Variants in TENM2 observed in about 807,000 individuals in gnomAD.
TENM2 encodes teneurin-2.
In TENM2, 52 loss-of-function variants were observed where a neutral mutation model predicts 245.2. The ratio of observed to expected loss-of-function variants is 0.21; its 90% CI spans 0.17 to 0.27. The LOEUF (loss-of-function observed/expected upper bound fraction) is 0.27, where lower values mean the gene tolerates loss of function less well. TENM2 is among the 10% of genes least tolerant of loss of function. The pLI is 1.00. For missense variants in TENM2, 3,046 were observed against 3,666.8 expected (o/e 0.83, Z 4.37); for synonymous variants, 1,363 against 1,438.9 (o/e 0.95, Z 1.19).
intron 1 of TENM2, among the ~76,000 whole-genome samples, chr5:167,326,502 G>T (rs997411509): frequency 5.9e-5 from 9 of 151,482 alleles, no homozygotes; most frequent in African/African-American, 2.2e-4. Flanking sequence ...TTGAAACCCC[G>T]TCTCTACTAA....
At chr5:167,516,890 A>G (rs1770417078) in intron 2 of TENM2, among the ~76,000 whole-genome samples, 1 of 152,242 alleles carries the variant, frequency 6.6e-6, no homozygotes. Context: ...ACACTGTGGT[A>G]TTTAGCATTT....
the TENM2 span, among the ~76,000 whole-genome samples, chr5:167,100,229 C>T: frequency 2.0e-5 from 3 of 152,180 alleles, no homozygotes; most frequent in South Asian, 6.2e-4. Context: ...TGAATGATCA[C>T]ATTTTTCCTC....
At chr5:167,398,981 C>A (rs1390572799) in intron 2 of TENM2, among the ~76,000 whole-genome samples, 1 of 152,114 alleles carries the variant, frequency 6.6e-6, no homozygotes, top group East Asian at 1.9e-4. Flanking sequence ...CCTTCATAAC[C>A]CTTGGCTGTC....
chr5:167,994,672 C>T (rs544240706), intron 5 of TENM2, among the ~76,000 whole-genome samples: 1 of 152,346 alleles, frequency 6.6e-6, no homozygotes, highest in African/African-American at 2.4e-5. Flanking sequence ...AGAAAACTGA[C>T]TCTCCAGGGA....
the TENM2 span, among the ~76,000 whole-genome samples, chr5:167,210,505 G>A: frequency 5.7e-5 from 8 of 141,050 alleles, no homozygotes; most frequent in Non-Finnish European, 7.4e-5. Flanking sequence ...TGCCCAGGCC[G>A]GACTGCGGAC....
chr5:167,021,934 A>G, the TENM2 span, among the ~76,000 whole-genome samples: 1 of 152,226 alleles, frequency 6.6e-6, no homozygotes, highest in Non-Finnish European at 1.5e-5. Context: ...GCAATTTGAT[A>G]TAAAAGGGCC....
At chr5:167,399,408 G>A (rs1762246908) in intron 2 of TENM2, among the ~76,000 whole-genome samples, 5 of 152,140 alleles carry the variant, frequency 3.3e-5, no homozygotes, top group Admixed American at 2.6e-4. Context: ...ACAGCAGAAC[G>A]CTGCAGCATC....
intron 2 of TENM2, among the ~76,000 whole-genome samples, chr5:167,442,291 T>C (rs1764920075): frequency 6.6e-6 from 1 of 152,224 alleles, no homozygotes; most frequent in African/African-American, 2.4e-5. Context: ...ATGAATATTT[T>C]ATTCAACCAG....
chr5:168,236,931 G>A (rs1765469405), intron 25 of TENM2, among the ~76,000 whole-genome samples: 1 of 79,082 alleles, frequency 1.3e-5, no homozygotes. Context: ...GACCACAGAT[G>A]TCCTAATCAT....
At chr5:166,984,926 A>T in the TENM2 span, among the ~76,000 whole-genome samples, 3 of 152,126 alleles carry the variant, frequency 2.0e-5, no homozygotes, top group African/African-American at 7.2e-5. Flanking sequence ...TTTAGTCTTT[A>T]TTTTTTAAAA....
the TENM2 span, among the ~76,000 whole-genome samples, chr5:167,015,977 A>G: frequency 6.6e-6 from 1 of 152,020 alleles, no homozygotes; most frequent in Non-Finnish European, 1.5e-5. Flanking sequence ...AGAGGTGACC[A>G]GGCACGGTGG....
At chr5:168,080,223 T>G (rs1429116176) in intron 7 of TENM2, among the ~76,000 whole-genome samples, 1 of 152,172 alleles carries the variant, frequency 6.6e-6, no homozygotes, top group Admixed American at 6.5e-5. Context: ...TGCGTAGAGG[T>G]GTTTATAGTA....
At chr5:167,379,745 A>T (rs1281194791) in intron 2 of TENM2, among the ~76,000 whole-genome samples, 1 of 152,114 alleles carries the variant, frequency 6.6e-6, no homozygotes, top group Non-Finnish European at 1.5e-5. Flanking sequence ...CTGTTAAGGA[A>T]GTGAAAAGTC....
chr5:167,018,602 C>T, the TENM2 span, among the ~76,000 whole-genome samples: 7 of 152,140 alleles, frequency 4.6e-5, no homozygotes, highest in South Asian at 2.1e-4. Context: ...TATCCACATG[C>T]GAGAAAATCA....
intron 2 of TENM2, among the ~76,000 whole-genome samples, chr5:167,454,538 C>T (rs1054598509): frequency 1.3e-5 from 2 of 151,858 alleles, no homozygotes; most frequent in Admixed American, 1.3e-4. Flanking sequence ...TGCACACCCA[C>T]ACATATTTAT....
chr5:168,004,517 G>GCGCGCGCGCGCA (rs898616203), intron 5 of TENM2, among the ~76,000 whole-genome samples: 4 of 132,152 alleles, frequency 3.0e-5, no homozygotes, highest in African/African-American at 1.2e-4. Flanking sequence ...GCGCGCGCGC[G>GCGCGCGCGCGCA]CACACACACA....
chr5:167,873,528 T>C (rs1158632096), intron 2 of TENM2, among the ~76,000 whole-genome samples: 9 of 152,214 alleles, frequency 5.9e-5, no homozygotes, highest in Non-Finnish European at 1.5e-5. Flanking sequence ...AATGGGAATG[T>C]GTTATTTCAT....
At chr5:167,281,273 A>ATT (rs113120728), upstream of TENM2, among the ~76,000 whole-genome samples, 82 of 131,876 alleles carry the variant, frequency 6.2e-4, no homozygotes, top group South Asian at 7.8e-3. Context: ...ACGCCTGGCT[A>ATT]TTTTTTTTTT....
At chr5:167,694,548 G>A (rs1757637882) in intron 2 of TENM2, among the ~76,000 whole-genome samples, 2 of 152,120 alleles carry the variant, frequency 1.3e-5, no homozygotes, top group African/African-American at 2.4e-5. Flanking sequence ...GTTTTCATGG[G>A]AGGTTCCTTC....
Sources: gnomAD v4.1 joint callset for allele counts (sites outside exome capture counted in the v4.1 genomes callset) on GRCh38, gnomAD v4.1.1 for gene constraint, MANE v1.5 for transcripts, NCBI Gene and HGNC (gene_info 2026-07-23, HGNC 2026-07-21) for gene names.